Variants in CEP63 observed in about 807,000 individuals in gnomAD.
CEP63 encodes centrosomal protein of 63 kDa.
A neutral mutation model predicts 89.1 loss-of-function variants in CEP63; 84 were observed. That is an observed-to-expected ratio of 0.94 (90% CI 0.79 to 1.13). The LOEUF (loss-of-function observed/expected upper bound fraction) is 1.13. Ranked by LOEUF, CEP63 falls within the 50% of genes most tolerant of loss-of-function variation. CEP63 has a pLI of 0.00. For synonymous variants in CEP63, 267 were observed against 272.5 expected, an observed-to-expected ratio of 0.98 and a Z score of 0.20; for missense variants, 838 against 813.3, an observed-to-expected ratio of 1.03 and a Z score of -0.37.
chr3:134,536,088 C>T (rs781724495), intron 5 of CEP63: 1 of 152,214 alleles, frequency 6.6e-6, no homozygotes, highest in African/African-American at 2.4e-5. Flanking sequence ...TCACCCTCAT[C>T]TCCCTAGGTG....
the CEP63 span, among the ~76,000 whole-genome samples, chr3:134,642,239 G>A: frequency 6.6e-6 from 1 of 152,220 alleles, no homozygotes; most frequent in Non-Finnish European, 1.5e-5. Context: ...AATTCCCTGA[G>A]AGGCTCCAAT....
intron 3 of CEP63, among the ~76,000 whole-genome samples, chr3:134,509,111 T>G (rs1233639142): frequency 1.3e-5 from 2 of 152,162 alleles, no homozygotes; most frequent in East Asian, 3.9e-4. Flanking sequence ...GTTCTCACAT[T>G]GTGATAAAGA....
intron 12 of CEP63, 21 bp from the exon 13 acceptor site, chr3:134,558,121 T>C (rs1956613004): frequency 6.3e-7 from 1 of 1,578,810 alleles, no homozygotes; most frequent in Non-Finnish European, 8.7e-7. Context: ...ATTAAGTGAC[T>C]CTAGTATTCT....
chr3:134,512,122 T>C (rs1945119492), intron 3 of CEP63, among the ~76,000 whole-genome samples: 3 of 152,116 alleles, frequency 2.0e-5, no homozygotes, highest in Non-Finnish European at 2.9e-5. Flanking sequence ...CTGAGAAAAT[T>C]TTGGTTGTAA....
the CEP63 span, among the ~76,000 whole-genome samples, chr3:134,601,713 G>A: frequency 1.3e-5 from 2 of 152,230 alleles, no homozygotes; most frequent in South Asian, 2.1e-4. Context: ...GCCCCCCAGG[G>A]GAGACACCCC....
chr3:134,508,295 C>T (rs1943972265), intron 3 of CEP63, among the ~76,000 whole-genome samples: 1 of 152,162 alleles, frequency 6.6e-6, no homozygotes, highest in African/African-American at 2.4e-5. Flanking sequence ...TCTGCTAATG[C>T]TGTTTGCTAA....
chr3:134,612,215 C>A, the CEP63 span, among the ~76,000 whole-genome samples: 1 of 152,164 alleles, frequency 6.6e-6, no homozygotes, highest in Non-Finnish European at 1.5e-5. Context: ...TAAGAACATA[C>A]CAGCTTGGCT....
At chr3:134,513,883 T>C (rs1347446381) in intron 3 of CEP63, among the ~76,000 whole-genome samples, 1 of 152,182 alleles carries the variant, frequency 6.6e-6, no homozygotes, top group Non-Finnish European at 1.5e-5. Context: ...GTAGCAAATA[T>C]AAATTTTCTT....
chr3:134,557,379 T>G (rs1157452753), intron 12 of CEP63, among the ~76,000 whole-genome samples: 3 of 47,794 alleles, frequency 6.3e-5, no homozygotes. Flanking sequence ...ATAATTTGTT[T>G]TTTTTTTTTT....
chr3:134,717,905 T>A, the CEP63 span, among the ~76,000 whole-genome samples: 3 of 152,190 alleles, frequency 2.0e-5, no homozygotes, highest in African/African-American at 7.2e-5. Flanking sequence ...GGGAGCCCAC[T>A]CTTCCTTCCC....
the CEP63 span, among the ~76,000 whole-genome samples, chr3:134,681,494 T>C: frequency 6.6e-6 from 1 of 152,180 alleles, no homozygotes; most frequent in African/African-American, 2.4e-5. Context: ...CCTAGCATGT[T>C]AAGAAGCTGT....
Position 134,511,535 on chromosome 3 carries a change from C to T in CEP63, c.222+4249C>T, listed in dbSNP as rs1001536328. The T allele has an allele frequency of 4.6e-5, 7 of 152,696 alleles. No individual in the cohort carries two copies. The East Asian group carries it at 1.2e-3, about 25-fold the overall frequency. 9.5% of individuals were successfully genotyped at this position (152,696 alleles called of 1,614,324 possible). On this transcript the variant is annotated intron_variant, in intron 3 of 14. Coordinates refer to ENST00000675561, the MANE Select transcript of CEP63 (RefSeq NM_001353108.3). The stretch of plus-strand genomic sequence containing the variant: ...TTATGTTTTTGTCATTGTATTAGTT[C>T]ATTCTCTCATTGCAATAAGGAACTA...
chr3:134,640,110 G>C, the CEP63 span, among the ~76,000 whole-genome samples: 1 of 151,586 alleles, frequency 6.6e-6, no homozygotes, highest in Non-Finnish European at 1.5e-5. Context: ...TTTGCCACCT[G>C]TTGCATAAAG....
At chr3:134,604,425 G>C in the CEP63 span, 1 of 1,613,808 alleles carries the variant, frequency 6.2e-7, no homozygotes, top group East Asian at 2.2e-5. Context: ...GCATGAACAT[G>C]AACAGCGTCG....
At chr3:134,663,320 T>A in the CEP63 span, among the ~76,000 whole-genome samples, 1 of 152,108 alleles carries the variant, frequency 6.6e-6, no homozygotes, top group Non-Finnish European at 1.5e-5. Context: ...CACAAATGTT[T>A]AGGTAGGTGG....
At chr3:134,618,396 A>G in the CEP63 span, among the ~76,000 whole-genome samples, 1 of 152,142 alleles carries the variant, frequency 6.6e-6, no homozygotes, top group Non-Finnish European at 1.5e-5. Context: ...GCCTAGAAAG[A>G]CAGTGGGCCG....
At chr3:134,676,763 T>C in the CEP63 span, among the ~76,000 whole-genome samples, 2 of 152,116 alleles carry the variant, frequency 1.3e-5, no homozygotes, top group Non-Finnish European at 2.9e-5. Context: ...ATGTGTCAGT[T>C]ATGTGAGCCA....
At chr3:134,782,140 T>C in the CEP63 span, among the ~76,000 whole-genome samples, 1 of 152,238 alleles carries the variant, frequency 6.6e-6, no homozygotes, top group Non-Finnish European at 1.5e-5. Flanking sequence ...GAGATGATCA[T>C]ATATATGTTT....
chr3:134,486,314 C>T (rs947188202), intron 1 of CEP63, 112 bp downstream of exon 1: 1 of 985,434 alleles, frequency 1.0e-6, no homozygotes, highest in Non-Finnish European at 1.2e-6. Context: ...CCCAGGCTGC[C>T]TTGGTGATTC....
Sources: allele counts gnomAD v4.1 joint callset (sites outside exome capture counted in the v4.1 genomes callset), GRCh38; gene constraint gnomAD v4.1.1; transcripts MANE v1.5; gene names NCBI Gene and HGNC (gene_info 2026-07-23, HGNC 2026-07-21).